The following LYPD6 variants were observed in gnomAD, a reference collection of about 807,000 sequenced individuals.
LYPD6 encodes ly6/PLAUR domain-containing protein 6.
A neutral mutation model predicts 22.7 loss-of-function variants in LYPD6; 15 were observed. That is an observed-to-expected ratio of 0.66 (90% confidence interval 0.44 to 1.02). LYPD6 has a LOEUF of 1.02. Among genes scored for constraint, LYPD6 ranks in the 50% least tolerant of loss-of-function variants. LYPD6 has a pLI of 0.00. For synonymous variants in LYPD6, 72 were observed against 77.5 expected, an observed-to-expected ratio of 0.93 and a Z score of 0.37; for missense variants, 189 against 208.4, an observed-to-expected ratio of 0.91 and a Z score of 0.57.
At chr2:149,446,603 G>A (rs1683694490) in intron 2 of LYPD6, among the ~76,000 whole-genome samples, 1 of 152,180 alleles carries the variant, frequency 6.6e-6, no homozygotes, top group South Asian at 2.1e-4. Context: ...TGAAAATGGA[G>A]TGGTTGGATG....
intron 1 of LYPD6, among the ~76,000 whole-genome samples, chr2:149,359,652 C>T (rs1001777688): frequency 1.3e-5 from 2 of 152,186 alleles, no homozygotes; most frequent in African/African-American, 4.8e-5. Flanking sequence ...CCTTTAATTC[C>T]TTCATGTCTC....
downstream of LYPD6, among the ~76,000 whole-genome samples, chr2:149,479,131 C>T (rs1393951834): frequency 6.6e-6 from 1 of 152,290 alleles, no homozygotes; most frequent in African/African-American, 2.4e-5. Context: ...TCTCAGTCCT[C>T]TCCTCACCTA....
rs569824194 is a variant in LYPD6, at chr2:149,425,536, G to T, written c.-71-12102G>T. Among the ~76,000 whole-genome samples the T allele has an allele frequency of 3.0e-3, 454 of 152,270 alleles. 1 individual carries two copies. The highest frequency in any genetic ancestry group is 0.01 in the African/African-American group (427 of 41,552). On this transcript the variant is annotated intron_variant, in intron 1 of 4. Transcript: ENST00000334166. ...TTTCTCTAAGAAAGAAATTAATTTA[G>T]ATGCAAAAACAAAAATGTTCTATTA... is the stretch of plus-strand genomic sequence containing the variant.
chr2:149,475,433 T>A (rs1681433392), downstream of LYPD6, among the ~76,000 whole-genome samples: 1 of 152,144 alleles, frequency 6.6e-6, no homozygotes, highest in East Asian at 1.9e-4. Context: ...GCCTATGATT[T>A]TTTTAAAAAA....
chr2:149,354,925 C>T (rs1054883323), intron 1 of LYPD6, among the ~76,000 whole-genome samples: 6 of 151,968 alleles, frequency 3.9e-5, no homozygotes, highest in Admixed American at 3.9e-4. Context: ...GCTCGTGAGC[C>T]CTGAGAATTG....
the LYPD6 span, among the ~76,000 whole-genome samples, chr2:149,485,275 T>C: frequency 6.6e-6 from 1 of 152,118 alleles, no homozygotes; most frequent in Non-Finnish European, 1.5e-5. Flanking sequence ...GAAAAGCAAG[T>C]TTTTACTCAG....
chr2:149,337,737 G>C (rs1276155438), intron 1 of LYPD6, among the ~76,000 whole-genome samples: 2 of 152,114 alleles, frequency 1.3e-5, no homozygotes, highest in Non-Finnish European at 2.9e-5. Context: ...CCTCACCCAG[G>C]AAATAAGCAT....
At chr2:149,447,796 T>G (rs1219079943) in intron 2 of LYPD6, among the ~76,000 whole-genome samples, 1 of 152,258 alleles carries the variant, frequency 6.6e-6, no homozygotes, top group Non-Finnish European at 1.5e-5. Flanking sequence ...CCTTTTTAAT[T>G]AAAATTTTTA....
intron 1 of LYPD6, among the ~76,000 whole-genome samples, chr2:149,425,644 C>G (rs1179374916): frequency 6.6e-6 from 1 of 152,160 alleles, no homozygotes; most frequent in Non-Finnish European, 1.5e-5. Context: ...TTATATTCTG[C>G]TTTGCTACAA....
chr2:149,398,389 A>G (rs2105105792), intron 1 of LYPD6, among the ~76,000 whole-genome samples: 1 of 151,120 alleles, frequency 6.6e-6, no homozygotes, highest in East Asian at 2.0e-4. Flanking sequence ...CCTTTATGAT[A>G]TGATGGGAAT....
chr2:149,407,706 A>C (rs1682752983), intron 1 of LYPD6, among the ~76,000 whole-genome samples: 1 of 152,106 alleles, frequency 6.6e-6, no homozygotes, highest in African/African-American at 2.4e-5. Flanking sequence ...GAGTAGTTTG[A>C]TCATCTGAAG....
intron 1 of LYPD6, among the ~76,000 whole-genome samples, chr2:149,378,749 GA>G (rs1215816761): frequency 6.6e-6 from 1 of 152,092 alleles, no homozygotes; most frequent in Non-Finnish European, 1.5e-5. Context: ...ATTGCCACAT[GA>G]AAACTTCTCT....
intron 3 of LYPD6, among the ~76,000 whole-genome samples, chr2:149,457,004 A>C (rs1005795606): frequency 3.9e-5 from 6 of 152,202 alleles, no homozygotes; most frequent in African/African-American, 1.4e-4. Flanking sequence ...CAGATACTAT[A>C]ATTTATTCAT....
At chr2:149,378,327 A>G (rs182126912) in intron 1 of LYPD6, among the ~76,000 whole-genome samples, 64 of 152,254 alleles carry the variant, frequency 4.2e-4, no homozygotes, top group Non-Finnish European at 2.1e-4. Context: ...CATGTTGCCC[A>G]GGCTGGTTTC....
chr2:149,435,240 T>C (rs940243545), intron 1 of LYPD6, among the ~76,000 whole-genome samples: 1 of 152,252 alleles, frequency 6.6e-6, no homozygotes, highest in African/African-American at 2.4e-5. Context: ...AAATCTCTGT[T>C]GTATAAGCCC....
At chr2:149,453,992 C>T (rs1158433913) in intron 3 of LYPD6, among the ~76,000 whole-genome samples, 1 of 152,150 alleles carries the variant, frequency 6.6e-6, no homozygotes, top group Non-Finnish European at 1.5e-5. Context: ...CCAGTGTTGG[C>T]CCTTGACACT....
intron 1 of LYPD6, among the ~76,000 whole-genome samples, chr2:149,387,794 G>A (rs1417328445): frequency 6.6e-6 from 1 of 152,132 alleles, no homozygotes; most frequent in African/African-American, 2.4e-5. Context: ...AGATGGGAAC[G>A]TGTACTTTTA....
At chr2:149,451,876 G>A (rs1460522356) in intron 3 of LYPD6, among the ~76,000 whole-genome samples, 1 of 152,126 alleles carries the variant, frequency 6.6e-6, no homozygotes, top group Admixed American at 6.6e-5. Context: ...GGGAGCAGGC[G>A]GTTTAGTTGG....
chr2:149,425,561 A>G (rs892992267), intron 1 of LYPD6, among the ~76,000 whole-genome samples: 5 of 152,358 alleles, frequency 3.3e-5, no homozygotes, highest in Admixed American at 1.3e-4. Context: ...ATGTTCTATT[A>G]TCAAGGACAA....
Sources: gnomAD v4.1 joint callset for allele counts (sites outside exome capture counted in the v4.1 genomes callset) on GRCh38, gnomAD v4.1.1 for gene constraint, MANE v1.5 for transcripts, NCBI Gene and HGNC (gene_info 2026-07-23, HGNC 2026-07-21) for gene names.